The following UPF2 variants were observed in gnomAD, a reference collection of about 807,000 sequenced individuals.
UPF2 encodes the protein regulator of nonsense transcripts 2.
Under a neutral mutation model 141.4 loss-of-function variants are expected in UPF2, and 17 were observed. That is an observed-to-expected ratio of 0.12 (90% CI 0.08 to 0.18). The LOEUF is 0.18. Among genes scored for constraint, UPF2 ranks in the 10% least tolerant of loss-of-function variants. The pLI, the probability that UPF2 is intolerant of heterozygous loss-of-function variation, is 1.00. For synonymous variants in UPF2, 540 were observed against 498.0 expected, an observed-to-expected ratio of 1.08 and a Z score of -1.12; for missense variants, 1,152 against 1,515.9, an observed-to-expected ratio of 0.76 and a Z score of 3.99.
chr10:11,964,521 A>G (rs1833289488), intron 10 of UPF2, among the ~76,000 whole-genome samples: 1 of 152,218 alleles, frequency 6.6e-6, no homozygotes, highest in Admixed American at 6.5e-5. Context: ...ACCTATCACT[A>G]GGACATTTTA....
chr10:11,988,086 A>AG (rs1450705710), intron 8 of UPF2, among the ~76,000 whole-genome samples: 13 of 152,224 alleles, frequency 8.5e-5, no homozygotes, highest in Non-Finnish European at 1.8e-4. Context: ...ACAATTTTAC[A>AG]GGGGCAAAGG....
In UPF2 at chr10:11,935,071, A is replaced by G. The variant is rs1248314515; in HGVS notation, c.3546+1474T>C. On this transcript the variant is annotated intron_variant, in intron 19 of 21. Transcript: ENST00000357604. The surrounding 1 kb of genome is among the most constrained non-coding windows in gnomAD (Gnocchi z 4.9). ...ACAAATGCAGGGATAAAATTTAGGC[A>G]TCATCTGTTTGAGGCTGTGCTAGTG... Among the ~76,000 whole-genome samples the G allele has an allele frequency of 6.6e-6, 1 of 152,172 alleles. No homozygotes were observed. Among genetic ancestry groups the G allele is most frequent in the Non-Finnish European group, 1.5e-5 (1 of 68,022 alleles).
At chr10:12,000,040 A>T (rs1212866919) in intron 6 of UPF2, 31 bp from the exon 7 acceptor site, 40 of 1,497,832 alleles carry the variant, frequency 2.7e-5, no homozygotes, top group Non-Finnish European at 3.4e-5. Flanking sequence ...AAATAGGTTA[A>T]AAAAAAAAGA....
intron 7 of UPF2, 122 bp from the exon 8 acceptor site, chr10:11,997,879 G>A (rs1003500275): frequency 2.2e-6 from 2 of 928,900 alleles, no homozygotes; most frequent in African/African-American, 1.7e-5. Context: ...TAAGAAACTA[G>A]TATTGTTAGT....
At chr10:11,933,791 T>C (rs1013519905) in intron 19 of UPF2, among the ~76,000 whole-genome samples, 3 of 152,186 alleles carry the variant, frequency 2.0e-5, no homozygotes, top group African/African-American at 4.8e-5. Flanking sequence ...TGAATATTCA[T>C]GTACTTCATG....
intron 15 of UPF2, among the ~76,000 whole-genome samples, chr10:11,948,918 CA>C (rs765491174): frequency 7.9e-5 from 12 of 152,184 alleles, no homozygotes; most frequent in Admixed American, 7.2e-4. Context: ...TCCAAAAACT[CA>C]AAAGACATGA....
intron 16 of UPF2, among the ~76,000 whole-genome samples, chr10:11,946,676 C>G (rs936368715): frequency 2.0e-5 from 3 of 151,994 alleles, no homozygotes; most frequent in Non-Finnish European, 4.4e-5. Context: ...TCTTCTATAC[C>G]CCTAACCCAT....
intron 20 of UPF2, 59 bp from the exon 21 acceptor site, chr10:11,930,044 CA>C: frequency 8.1e-6 from 13 of 1,604,682 alleles, no homozygotes; most frequent in Non-Finnish European, 1.1e-5. Context: ...ACTCCTCCTA[CA>C]GAGTGAACGA....
At chr10:11,944,019 A>T (rs557625780) in intron 16 of UPF2, among the ~76,000 whole-genome samples, 1 of 152,152 alleles carries the variant, frequency 6.6e-6, no homozygotes, top group Admixed American at 6.5e-5. Flanking sequence ...ACAAAAAAAA[A>T]AAACCAAAAA....
chr10:11,964,030 G>C lies in UPF2; in HGVS notation c.2163C>G (p.His721Gln). 6.2e-7 allele frequency: 1 copy of C among 1,613,692 alleles called. No individual in the cohort carries two copies. The highest frequency in any genetic ancestry group is 8.5e-7 in the Non-Finnish European group (1 of 1,179,722). The change falls in exon 11 of 22, where the codon CAC (histidine) becomes CAG (glutamine). Residue 721 changes from histidine (H) to glutamine (Q), a missense_variant. Physicochemically the swap from His to Gln is conservative, Grantham distance 24. Coordinates refer to ENST00000357604, the MANE Select transcript of UPF2 (RefSeq NM_015542.4). ...GRFLFRSPES[H>Q]LRTSVLLEQM... ...TTACCAAAAGTACACTGGTCCTCAG[G>C]TGAGATTCTGGAGATCTGAAAAGAA... is the stretch of plus-strand genomic sequence containing the variant.
At position 12,029,074 on chromosome 10, in the gene UPF2, C is replaced by T. The variant is rs1834470008; in HGVS notation, c.816G>A (p.Leu272=). The T allele has an allele frequency of 1.2e-6, 2 of 1,614,194 alleles. No homozygotes were observed. The highest frequency in any genetic ancestry group is 1.7e-5 in the Admixed American group (1 of 60,016). Residue 272 remains leucine, a synonymous_variant, in exon 3 of 22, where the codon TTG becomes TTA. Coordinates refer to ENST00000357604, the MANE Select transcript of UPF2 (RefSeq NM_015542.4). ...TGTCAGTGAAAATCCCAACTATTGT[C>T]AATTCTGCAATAAAACGCAAATCAG... is the stretch of plus-strand genomic sequence containing the variant. ...LRTDLRFIAE[L]TIVGIFTDKE...
chr10:12,000,850 C>T (rs941966073), intron 6 of UPF2, among the ~76,000 whole-genome samples: 3 of 151,852 alleles, frequency 2.0e-5, no homozygotes, highest in Admixed American at 6.6e-5. Context: ...ACTCAAAACT[C>T]GATAAGAAGC....
At position 12,014,919 on chromosome 10, in the gene UPF2, T is replaced by C. The variant is rs1206491016; in HGVS notation, c.1146-735A>G. 6.6e-6 allele frequency among the ~76,000 whole-genome samples: 1 copy of C among 152,206 alleles called. No homozygotes were observed. The highest frequency in any genetic ancestry group is 1.5e-5 in the Non-Finnish European group (1 of 68,038). ...GAAGTCCACTCACTCAGGCCAGCCCTTATCAAGGAACTAAGGACATAACCA... is the reference window on the plus strand; with the variant it reads ...GAAGTCCACTCACTCAGGCCAGCCCCTATCAAGGAACTAAGGACATAACCA... On this transcript the variant is annotated intron_variant, in intron 3 of 21. Coordinates refer to ENST00000357604, the MANE Select transcript of UPF2 (RefSeq NM_015542.4). This position sits in a 1 kb window ranked among gnomAD's most constrained non-coding sequence, Gnocchi z 5.0.
rs1296937815 is a variant in UPF2 at position 11,992,818 on chromosome 10, C to T, written c.1844+4854G>A. On this transcript the variant is annotated intron_variant, in intron 8 of 21. Transcript: ENST00000357604. This position sits in a 1 kb window ranked among gnomAD's most constrained non-coding sequence, Gnocchi z 4.1. Reference sequence around the variant, plus strand: ...ATATAAAATAAAGGGCACAGGTATACCAAATAAAAGGCACATGTATACCAA... The same window carrying T: ...ATATAAAATAAAGGGCACAGGTATATCAAATAAAAGGCACATGTATACCAA... 1.3e-5 allele frequency among the ~76,000 whole-genome samples: 2 copies of T among 151,922 alleles called. No individual in the cohort carries two copies. Among genetic ancestry groups the T allele is most frequent in the African/African-American group, 2.4e-5 (1 of 41,376 alleles).
intron 5 of UPF2, among the ~76,000 whole-genome samples, chr10:12,003,633 A>G (rs1432655792): frequency 6.6e-6 from 1 of 152,172 alleles, no homozygotes; most frequent in African/African-American, 2.4e-5. Flanking sequence ...ATTAACGTTT[A>G]GGAATGCATA....
rs1053440726 is a variant in UPF2, at chr10:11,954,491, G to C, written c.2850+741C>G. 5.3e-5 allele frequency among the ~76,000 whole-genome samples: 8 copies of C among 151,658 alleles called. No homozygotes were observed. In the South Asian group the frequency reaches 1.3e-3, roughly 24 times the overall value. ...TCTACCAAAAATACAAAAATTAGCCGGGTGTGGTGGAGTACACCTGTAATC... is the reference window on the plus strand; with the variant it reads ...TCTACCAAAAATACAAAAATTAGCCCGGTGTGGTGGAGTACACCTGTAATC... On this transcript the variant is annotated intron_variant, in intron 14 of 21. Coordinates refer to ENST00000357604, the MANE Select transcript of UPF2 (RefSeq NM_015542.4).
rs1833557707 is a variant in UPF2 at position 11,979,454 on chromosome 10, T to A, written c.1845-289A>T. On this transcript the variant is annotated intron_variant, in intron 8 of 21. Coordinates refer to ENST00000357604, the MANE Select transcript of UPF2 (RefSeq NM_015542.4). This position sits in a 1 kb window ranked among gnomAD's most constrained non-coding sequence, Gnocchi z 6.2. ...ACACCACACACAAAAAAACAGTATG[T>A]TTTGACACGACTTAAATTTTTAATC... Among the ~76,000 whole-genome samples, 1 of 152,234 alleles carries A rather than the reference T, an allele frequency of 6.6e-6. No individual in the cohort carries two copies. The highest frequency in any genetic ancestry group is 1.5e-5 in the Non-Finnish European group (1 of 68,042).
intron 4 of UPF2, among the ~76,000 whole-genome samples, chr10:12,009,798 A>G (rs575148692): frequency 6.6e-6 from 1 of 152,318 alleles, no homozygotes; most frequent in South Asian, 2.1e-4. Flanking sequence ...GCACAAAGAT[A>G]AACTTCAAAA....
In UPF2 at chr10:12,000,081, T is replaced by C. The variant is rs937476590; in HGVS notation, c.1655-72A>G. 7.0e-4 allele frequency: 913 copies of C among 1,308,168 alleles called. 4 individuals are homozygous for C. The highest frequency in any genetic ancestry group is 8.8e-4 in the Non-Finnish European group (834 of 942,948). 81.0% of individuals were successfully genotyped at this position (1,308,168 alleles called of 1,614,324 possible). On this transcript the variant is annotated intron_variant, in intron 6 of 21. Transcript: ENST00000357604. ...CAGAATAAAAACATCCAATGATGAA[T>C]TATTTGGAAAATAGATAATCTAGAC... is the stretch of plus-strand genomic sequence containing the variant.
Sources: allele counts gnomAD v4.1 joint callset (sites outside exome capture counted in the v4.1 genomes callset), GRCh38; gene constraint gnomAD v4.1.1; non-coding constraint Gnocchi (gnomAD v3.1); transcripts MANE v1.5; gene names NCBI Gene and HGNC (gene_info 2026-07-23, HGNC 2026-07-21).